NCK1: variants seen among roughly 807,000 people sequenced by gnomAD.
NCK1 encodes the protein NCK adaptor protein 1.
Under a neutral mutation model 36.6 loss-of-function variants are expected in NCK1, and 19 were observed. That is an observed-to-expected ratio of 0.52 (90% CI 0.36 to 0.76). The LOEUF is 0.76. NCK1 is among the 30% of genes least tolerant of loss of function. The pLI is 0.00. For synonymous variants in NCK1, 165 were observed against 156.0 expected, an observed-to-expected ratio of 1.06 and a Z score of -0.43; for missense variants, 358 against 445.6, an observed-to-expected ratio of 0.80 and a Z score of 1.77.
intron 2 of NCK1, among the ~76,000 whole-genome samples, chr3:136,942,117 T>TA (rs1455591522): frequency 6.6e-6 from 1 of 152,210 alleles, no homozygotes; most frequent in African/African-American, 2.4e-5. Context: ...GGATTACAGG[T>TA]GTGAGCCCCT....
chr3:136,944,111 C>CTTTTTTTTTTTT lies in NCK1; in HGVS notation c.227-1472_227-1471insTTTTTTTTTTTT, dbSNP rs1560055771. 5.6e-3 allele frequency among the ~76,000 whole-genome samples: 451 copies of CTTTTTTTTTTTT among 80,894 alleles called. 80 individuals carry two copies. Among genetic ancestry groups the CTTTTTTTTTTTT allele is most frequent in the African/African-American group, 0.016 (281 of 17,448 alleles). 53.1% of individuals were successfully genotyped at this position (80,894 alleles called of 152,430 possible). A position where few individuals can be genotyped will look rare whatever the true frequency, so the allele number is the denominator to read the frequency against. On this transcript the variant is annotated intron_variant, in intron 2 of 3. Transcript: ENST00000481752. ...AAAGTCGAGGGAAAAGGAAAAACAA[C>CTTTTTTTTTTTT]CTTTTTTTTTTTTTTTTTTTTTTTT...
At chr3:136,937,885 A>T (rs969181369) in intron 2 of NCK1, among the ~76,000 whole-genome samples, 2 of 151,992 alleles carry the variant, frequency 1.3e-5, no homozygotes, top group Non-Finnish European at 2.9e-5. Context: ...TCATCTGTGG[A>T]TACTTTTTCC....
chr3:136,935,293 G>A (rs1281981273), intron 2 of NCK1, among the ~76,000 whole-genome samples: 2 of 151,928 alleles, frequency 1.3e-5, no homozygotes, highest in Non-Finnish European at 2.9e-5. Context: ...CTGATCTTTT[G>A]CATTTCTTTT....
intron 1 of NCK1, among the ~76,000 whole-genome samples, chr3:136,910,451 G>A (rs936721763): frequency 3.9e-5 from 6 of 152,146 alleles, no homozygotes; most frequent in African/African-American, 1.4e-4. Context: ...TTTTTGTTGT[G>A]TAGTAAAGTT....
At chr3:136,886,512 C>T (rs924840671) in intron 1 of NCK1, among the ~76,000 whole-genome samples, 7 of 152,014 alleles carry the variant, frequency 4.6e-5, no homozygotes, top group South Asian at 2.1e-4. Flanking sequence ...AAGGAAAAAA[C>T]GTCTGTATAT....
In NCK1 at chr3:136,867,038, T is replaced by C. The variant is rs1938434311; in HGVS notation, c.-19+4685T>C. Reference sequence around the variant, plus strand: ...TTCCAAATGTTTTTCCTGTTCCCTATGTTGCTTGCTTTTCTTTCTTTCTTT... The same window carrying C: ...TTCCAAATGTTTTTCCTGTTCCCTACGTTGCTTGCTTTTCTTTCTTTCTTT... On this transcript the variant is annotated intron_variant, in intron 1 of 3. Coordinates refer to ENST00000481752, the MANE Select transcript of NCK1 (RefSeq NM_001291999.2). Among the ~76,000 whole-genome samples, 4 of 79,308 alleles carry C rather than the reference T, an allele frequency of 5.0e-5. No homozygotes were observed. The Admixed American group carries it at 6.1e-4, about 12-fold the overall frequency. 52.0% of individuals were successfully genotyped at this position (79,308 alleles called of 152,430 possible). A position where few individuals can be genotyped will look rare whatever the true frequency, so the allele number is the denominator to read the frequency against.
chr3:136,894,438 G>A (rs1379535765), intron 1 of NCK1, among the ~76,000 whole-genome samples: 2 of 152,142 alleles, frequency 1.3e-5, no homozygotes, highest in Non-Finnish European at 2.9e-5. Flanking sequence ...TCTTAATCGA[G>A]CTTTTAATTT....
chr3:136,899,056 T>C (rs1212186861), intron 1 of NCK1: 1 of 176,680 alleles, frequency 5.7e-6, no homozygotes, highest in Non-Finnish European at 1.3e-5. Context: ...AACATTTCTC[T>C]GGTACCACAG....
intron 1 of NCK1, among the ~76,000 whole-genome samples, chr3:136,926,200 C>G (rs1940231587): frequency 6.7e-6 from 1 of 149,494 alleles, no homozygotes; most frequent in Non-Finnish European, 1.5e-5. Context: ...ACTTTTCTAA[C>G]TGCTTAAGAT....
chr3:136,882,182 A>G (rs1358939838), intron 1 of NCK1, among the ~76,000 whole-genome samples: 2 of 151,710 alleles, frequency 1.3e-5, no homozygotes, highest in African/African-American at 4.8e-5. Context: ...TTTCACTAAC[A>G]CTTGTTTCCT....
intron 1 of NCK1, among the ~76,000 whole-genome samples, chr3:136,893,178 G>GTGTGTATA (rs1249245313): frequency 2.9e-5 from 1 of 34,590 alleles, no homozygotes; most frequent in African/African-American, 9.9e-5. Context: ...GTGTGTGTGT[G>GTGTGTATA]TATATATATA....
At chr3:136,932,460 C>T (rs1314292233) in intron 2 of NCK1, among the ~76,000 whole-genome samples, 1 of 151,838 alleles carries the variant, frequency 6.6e-6, no homozygotes, top group East Asian at 1.9e-4. Flanking sequence ...AAAAATTGTA[C>T]AATGTTTTAA....
intron 1 of NCK1, among the ~76,000 whole-genome samples, chr3:136,913,149 A>G (rs984826401): frequency 1.3e-5 from 2 of 151,278 alleles, no homozygotes; most frequent in Non-Finnish European, 2.9e-5. Context: ...TTTCTTTCAT[A>G]TAGGCCATAC....
At chr3:136,865,489 G>T (rs929890889) in intron 1 of NCK1, among the ~76,000 whole-genome samples, 4 of 152,160 alleles carry the variant, frequency 2.6e-5, no homozygotes, top group Admixed American at 6.6e-5. Context: ...AAAGCTGAAG[G>T]TATATTTGAT....
chr3:136,888,723 C>G (rs1313237810), intron 1 of NCK1, among the ~76,000 whole-genome samples: 1 of 152,112 alleles, frequency 6.6e-6, no homozygotes, highest in Non-Finnish European at 1.5e-5. Context: ...CCCTAACCTC[C>G]CCTCTCCGTG....
At chr3:136,862,705 A>G (rs899106705) in intron 1 of NCK1, among the ~76,000 whole-genome samples, 1 of 152,188 alleles carries the variant, frequency 6.6e-6, no homozygotes, top group Non-Finnish European at 1.5e-5. Flanking sequence ...CTGTTTTCTC[A>G]TGAAAAAGTC....
intron 1 of NCK1, among the ~76,000 whole-genome samples, chr3:136,910,754 A>G (rs1369050617): frequency 6.6e-6 from 1 of 152,228 alleles, no homozygotes; most frequent in Non-Finnish European, 1.5e-5. Context: ...TAACATATCC[A>G]TAACCTTGTT....
intron 1 of NCK1, among the ~76,000 whole-genome samples, chr3:136,870,216 C>A (rs1361042668): frequency 6.6e-6 from 1 of 151,586 alleles, no homozygotes; most frequent in Non-Finnish European, 1.5e-5. Context: ...GTGGTGCATG[C>A]CTGTAATCCC....
intron 1 of NCK1, among the ~76,000 whole-genome samples, chr3:136,907,296 G>T (rs1300504426): frequency 1.3e-5 from 2 of 152,158 alleles, no homozygotes; most frequent in Admixed American, 1.3e-4. Flanking sequence ...TGTCAATGGG[G>T]TCTCCAGGGA....
Sources: gnomAD v4.1 joint callset for allele counts (sites outside exome capture counted in the v4.1 genomes callset) on GRCh38, gnomAD v4.1.1 for gene constraint, MANE v1.5 for transcripts, NCBI Gene and HGNC (gene_info 2026-07-23, HGNC 2026-07-21) for gene names.